Variants in ROBO2 observed in about 807,000 individuals in gnomAD.
The protein encoded by ROBO2 is roundabout homolog 2.
ROBO2 carries 53 observed loss-of-function variants against 160.8 expected under a neutral mutation model. The ratio of observed to expected loss-of-function variants is 0.33; its 90% CI spans 0.26 to 0.41. The LOEUF (loss-of-function observed/expected upper bound fraction) is 0.41. ROBO2 is among the 10% of genes least tolerant of loss of function. The probability of loss-of-function intolerance (pLI) is 1.00; values close to 1 mark genes in which losing one functional copy is unlikely to be tolerated. For missense variants in ROBO2, 1,577 were observed against 1,722.4 expected (o/e 0.92, Z 1.49); for synonymous variants, 664 against 611.7 (o/e 1.09, Z -1.26).
intron 2 of ROBO2, among the ~76,000 whole-genome samples, chr3:76,654,929 T>TATATATATATATATATATATATATATA (rs5850279): frequency 2.1e-5 from 3 of 141,460 alleles, no homozygotes; most frequent in East Asian, 2.1e-4. Flanking sequence ...ATATATATAT[T>TATATATATATATATATATATATATATA]TATATATATA....
At position 76,970,630 on chromosome 3, in the gene ROBO2, C is replaced by T. The variant is rs551750662; in HGVS notation, c.110-127384C>T. On this transcript the variant is annotated intron_variant, in intron 2 of 26. Coordinates refer to the ROBO2 transcript ENST00000487694. ...AGGAAACAAAACTGGTTAAGATACACGAGGACTGATGCCTGGTTCAGCCAA... is the reference window on the plus strand; with the variant it reads ...AGGAAACAAAACTGGTTAAGATACATGAGGACTGATGCCTGGTTCAGCCAA... 1.4e-4 allele frequency among the ~76,000 whole-genome samples: 21 copies of T among 152,144 alleles called. No individual in the cohort carries two copies. In the South Asian group the frequency reaches 3.3e-3, roughly 24 times the overall value.
At chr3:77,004,732 C>G (rs2061495688) in intron 2 of ROBO2, among the ~76,000 whole-genome samples, 1 of 152,126 alleles carries the variant, frequency 6.6e-6, no homozygotes, top group African/African-American at 2.4e-5. Flanking sequence ...TTTGTTTTCT[C>G]AAATATTTTT....
intron 2 of ROBO2, among the ~76,000 whole-genome samples, chr3:76,178,233 G>A (rs1322990160): frequency 1.3e-5 from 2 of 152,056 alleles, no homozygotes; most frequent in African/African-American, 4.8e-5. Flanking sequence ...TGATATTGAT[G>A]AATCTCAGAT....
intron 21 of ROBO2, among the ~76,000 whole-genome samples, chr3:77,608,250 C>T (rs910668051): frequency 3.3e-5 from 5 of 152,194 alleles, no homozygotes; most frequent in African/African-American, 1.2e-4. Flanking sequence ...CAAGTACCCA[C>T]AGCTCTGTGA....
At chr3:76,404,587 A>T (rs1383324704) in intron 2 of ROBO2, among the ~76,000 whole-genome samples, 1 of 151,300 alleles carries the variant, frequency 6.6e-6, no homozygotes, top group South Asian at 2.1e-4. Context: ...TTTTTTTTTT[A>T]ATAGTTGCAA....
intron 1 of ROBO2, among the ~76,000 whole-genome samples, chr3:77,050,693 A>G (rs780905135): frequency 1.3e-5 from 2 of 150,578 alleles, no homozygotes; most frequent in Non-Finnish European, 2.9e-5. Context: ...TTTTCGCATA[A>G]TTTCAAGAGT....
intron 2 of ROBO2, among the ~76,000 whole-genome samples, chr3:76,469,161 A>C (rs2078518447): frequency 6.6e-6 from 1 of 152,006 alleles, no homozygotes; most frequent in African/African-American, 2.4e-5. Flanking sequence ...TATTACCTCA[A>C]AATGTATTTT....
At chr3:77,252,165 G>T (rs1476446922) in intron 2 of ROBO2, among the ~76,000 whole-genome samples, 1 of 152,060 alleles carries the variant, frequency 6.6e-6, no homozygotes, top group East Asian at 1.9e-4. Flanking sequence ...GTCTTACGAC[G>T]TGAACATTAT....
intron 2 of ROBO2, among the ~76,000 whole-genome samples, chr3:77,454,595 T>C (rs1052274596): frequency 3.9e-5 from 6 of 152,228 alleles, no homozygotes. Flanking sequence ...CAGAAAATTA[T>C]TTTTAATCCA....
intron 2 of ROBO2, among the ~76,000 whole-genome samples, chr3:76,512,268 TTA>T (rs1016440581): frequency 3.4e-5 from 5 of 148,640 alleles, no homozygotes; most frequent in Admixed American, 6.8e-5. Context: ...ACTAATTTAC[TTA>T]TATATATATA....
chr3:77,019,991 G>A (rs188256683), intron 2 of ROBO2, among the ~76,000 whole-genome samples: 1 of 152,268 alleles, frequency 6.6e-6, no homozygotes, highest in East Asian at 1.9e-4. Context: ...GGATCCTCAT[G>A]AAGTTTAATT....
intron 15 of ROBO2, among the ~76,000 whole-genome samples, chr3:77,579,154 A>T (rs1187876558): frequency 5.9e-5 from 9 of 152,148 alleles, no homozygotes; most frequent in Admixed American, 5.2e-4. Context: ...TATGAATACA[A>T]ATGTGGATAC....
intron 13 of ROBO2, among the ~76,000 whole-genome samples, chr3:77,572,377 T>G (rs1309764903): frequency 6.6e-6 from 1 of 152,028 alleles, no homozygotes; most frequent in Non-Finnish European, 1.5e-5. Flanking sequence ...CTTGGTTGCC[T>G]TATTTCATAG....
At chr3:77,302,800 C>A (rs940082697) in intron 2 of ROBO2, among the ~76,000 whole-genome samples, 3 of 152,086 alleles carry the variant, frequency 2.0e-5, no homozygotes, top group African/African-American at 7.2e-5. Context: ...CTGGCTATGA[C>A]CTTTTTATTG....
chr3:76,992,906 C>G (rs1417371767), intron 2 of ROBO2, among the ~76,000 whole-genome samples: 1 of 152,146 alleles, frequency 6.6e-6, no homozygotes, highest in Admixed American at 6.5e-5. Context: ...CAGCCTCCAC[C>G]TGCCGGGTTC....
chr3:76,177,365 T>C (rs2073268702), intron 2 of ROBO2, among the ~76,000 whole-genome samples: 1 of 152,210 alleles, frequency 6.6e-6, no homozygotes, highest in Non-Finnish European at 1.5e-5. Context: ...CAATTGGACC[T>C]AATTCTAACT....
At chr3:76,686,378 A>G (rs1344074856) in intron 2 of ROBO2, among the ~76,000 whole-genome samples, 1 of 152,132 alleles carries the variant, frequency 6.6e-6, no homozygotes, top group Non-Finnish European at 1.5e-5. Flanking sequence ...TTATTCAGAT[A>G]AATTACTTAA....
At chr3:76,903,863 G>A (rs2075403239) in intron 2 of ROBO2, among the ~76,000 whole-genome samples, 1 of 152,152 alleles carries the variant, frequency 6.6e-6, no homozygotes, top group Non-Finnish European at 1.5e-5. Context: ...AACAGGGTCT[G>A]AGTTTGCATG....
At chr3:77,570,406 G>A (rs1249580701) in intron 13 of ROBO2, among the ~76,000 whole-genome samples, 2 of 151,786 alleles carry the variant, frequency 1.3e-5, no homozygotes, top group African/African-American at 4.8e-5. Context: ...TCCCCGTCAT[G>A]GGCTGTAACT....
Sources: allele counts gnomAD v4.1 joint callset (sites outside exome capture counted in the v4.1 genomes callset), GRCh38; gene constraint gnomAD v4.1.1; transcripts MANE v1.5; gene names NCBI Gene and HGNC (gene_info 2026-07-23, HGNC 2026-07-21).